PFKFB2: variants seen among roughly 807,000 people sequenced by gnomAD.
The protein encoded by PFKFB2 is 6-phosphofructo-2-kinase/fructose-2,6-bisphosphatase 2.
In PFKFB2, 53 loss-of-function variants were observed where a neutral mutation model predicts 68.0. That is an observed-to-expected ratio of 0.78 (90% CI 0.63 to 0.98). The LOEUF (loss-of-function observed/expected upper bound fraction) is 0.98. Ranked by LOEUF, PFKFB2 falls within the 50% of genes least tolerant of loss-of-function variation. The pLI, the probability that PFKFB2 is intolerant of heterozygous loss-of-function variation, is 0.00. For synonymous variants in PFKFB2, 222 were observed against 227.6 expected (o/e 0.98, Z 0.22); for missense variants, 451 against 642.0 (o/e 0.70, Z 3.22).
chr1:207,068,140 T>G, intron 9 of PFKFB2, 23 bp from the exon 10 acceptor site: 1 of 1,594,814 alleles, frequency 6.3e-7, no homozygotes, highest in South Asian at 1.1e-5. Context: ...TTTTTACCCT[T>G]AATTTTCATT....
intron 10 of PFKFB2, among the ~76,000 whole-genome samples, chr1:207,068,796 G>A (rs1268051042): frequency 6.6e-6 from 1 of 150,572 alleles, no homozygotes; most frequent in African/African-American, 2.5e-5. Flanking sequence ...GGCCCAGGCT[G>A]GAGTGCAGTG....
rs185240385 is a variant in PFKFB2, at chr1:207,060,048, G to A, written c.86-1905G>A. Among the ~76,000 whole-genome samples, 247 of 152,310 alleles carry A rather than the reference G, an allele frequency of 1.6e-3. 1 individual carries two copies. Among genetic ancestry groups the A allele is most frequent in the East Asian group, 1.2e-3 (6 of 5,184 alleles). On this transcript the variant is annotated intron_variant, in intron 2 of 14. Coordinates refer to ENST00000367080, the MANE Select transcript of PFKFB2 (RefSeq NM_006212.2). ...AGCCGGCAGAGCCTGAGCTATCCCA[G>A]ATGACCTCAGTGTGGTTTTTGGCCC...
chr1:207,068,291 T>A lies in PFKFB2; in HGVS notation c.969T>A (p.Ile323=), dbSNP rs1457462038. 3.1e-6 allele frequency: 5 copies of A among 1,593,368 alleles called. No homozygotes were observed. In the Admixed American group the frequency reaches 8.9e-5, roughly 28 times the overall value. ...SLGVPYEQWK[I]LNEIDAGVCE... ...GGGTGCCCTATGAGCAGTGGAAGAT[T>A]CTGAATGAGATTGATGCTGTGAGTA... The change falls in exon 10 of 15, where the codon ATT becomes ATA. Residue 323 remains isoleucine, a synonymous_variant. Coordinates refer to ENST00000367080, the MANE Select transcript of PFKFB2 (RefSeq NM_006212.2).
rs1458237415 is a variant in PFKFB2, at chr1:207,075,118, T to A, written c.*2747T>A. ...ATCCACAGACTTTGGATTAACACTGTACCCACTCTTAGCAAAAGGGGACTT... is the reference window on the plus strand; with the variant it reads ...ATCCACAGACTTTGGATTAACACTGAACCCACTCTTAGCAAAAGGGGACTT... On this transcript the variant is annotated 3_prime_UTR_variant, in exon 15 of 15. Transcript: ENST00000367080. The A allele has an allele frequency of 2.0e-6, 2 of 985,354 alleles. No individual in the cohort carries two copies. The highest frequency in any genetic ancestry group is 6.1e-5 in the Admixed American group (1 of 16,264). 61.0% of individuals were successfully genotyped at this position (985,354 alleles called of 1,614,324 possible).
intron 7 of PFKFB2, among the ~76,000 whole-genome samples, chr1:207,064,096 G>A (rs1016998061): frequency 6.6e-6 from 1 of 152,284 alleles, no homozygotes; most frequent in East Asian, 1.9e-4. Flanking sequence ...CAGGGTTTAG[G>A]TTGTAGGATT....
At position 207,035,081 on chromosome 1, in the gene PFKFB2, G is replaced by T. The variant is rs979344674; in HGVS notation, c.-62+609G>T. 6.4e-6 allele frequency: 5 copies of T among 779,634 alleles called. No homozygotes were observed. The Admixed American group carries it at 1.9e-4, about 29-fold the overall frequency. The allele number at this position is 779,634 out of a possible 1,614,324, so 48.3% of individuals were successfully genotyped here. On this transcript the variant is annotated intron_variant, in intron 1 of 5. Coordinates refer to the PFKFB2 transcript ENST00000545806. The stretch of plus-strand genomic sequence containing the variant: ...TTGATATAGGTCATCATTTGAGGGG[G>T]TATGTGTGTCATTGCTCTTAGTATG...
At chr1:207,061,504 C>T (rs1035356286) in intron 2 of PFKFB2, among the ~76,000 whole-genome samples, 1 of 152,012 alleles carries the variant, frequency 6.6e-6, no homozygotes, top group Non-Finnish European at 1.5e-5. Context: ...TATTTGTCTT[C>T]CCAGACTTGC....
chr1:207,079,461 C>T (rs889873975), downstream of PFKFB2: 1 of 171,608 alleles, frequency 5.8e-6, no homozygotes, highest in African/African-American at 2.4e-5. Flanking sequence ...AGGCTAGAGT[C>T]TAATATACTT....
Position 207,035,283 on chromosome 1 carries a change from C to G in PFKFB2, c.-62+811C>G, listed in dbSNP as rs187227127. 6.4e-4 allele frequency: 466 copies of G among 726,830 alleles called. 1 individual carries two copies. The highest frequency in any genetic ancestry group is 7.0e-4 in the Non-Finnish European group (418 of 594,036). The allele number at this position is 726,830 out of a possible 1,614,324, so 45.0% of individuals were successfully genotyped here. On this transcript the variant is annotated intron_variant, in intron 1 of 5. Coordinates refer to the PFKFB2 transcript ENST00000545806. ...CCTCCCCACTTAGGCACCTCCCTTC[C>G]CTCTAAGTGCACATGCAAGGTGTGT... is the stretch of plus-strand genomic sequence containing the variant.
At chr1:207,049,369 T>A, upstream of PFKFB2, 3 of 1,614,186 alleles carry the variant, frequency 1.9e-6, no homozygotes, top group Non-Finnish European at 2.5e-6. Flanking sequence ...TATTTCACAT[T>A]GGTAAAACTT....
intron 1 of PFKFB2, 66 bp from the exon 2 acceptor site, chr1:207,054,635 G>T: frequency 8.8e-7 from 1 of 1,130,148 alleles, no homozygotes; most frequent in South Asian, 1.3e-5. Flanking sequence ...CCAATGCACT[G>T]ACTTTTTTTA....
rs1304535737 is a variant in PFKFB2 at position 207,054,821 on chromosome 1, G to A, written c.85+19G>A. ...AAATGTTGTGAGTTCTGGCAGAGAG[G>A]AGGGACTGCTCTCTCTCAGCATTTT... On this transcript the variant is annotated intron_variant, in intron 2 of 14. Transcript: ENST00000367080. The A allele has an allele frequency of 6.5e-7, 1 of 1,533,556 alleles. No individual in the cohort carries two copies. Among genetic ancestry groups the A allele is most frequent in the Non-Finnish European group, 9.0e-7 (1 of 1,108,370 alleles). 95.0% of individuals were successfully genotyped at this position (1,533,556 alleles called of 1,614,324 possible).
upstream of PFKFB2, chr1:207,050,737 C>G (rs756132331): frequency 1.2e-6 from 2 of 1,613,362 alleles, no homozygotes; most frequent in Admixed American, 3.3e-5. Context: ...TGCTGAGATC[C>G]AGGCACTCGG....
At chr1:207,043,270 T>C (rs1290649025) in intron 2 of PFKFB2, among the ~76,000 whole-genome samples, 1 of 152,346 alleles carries the variant, frequency 6.6e-6, no homozygotes, top group Non-Finnish European at 1.5e-5. Flanking sequence ...CTTATTCTTA[T>C]GTTGGATGTA....
intron 2 of PFKFB2, 115 bp from the exon 3 acceptor site, chr1:207,061,838 C>T (rs779436796): frequency 1.2e-4 from 104 of 872,440 alleles, no homozygotes; most frequent in South Asian, 1.9e-4. Context: ...GCTGAGATCA[C>T]GCCACTGTAC....
rs767305648 is a variant in PFKFB2 at position 207,070,262 on chromosome 1, C to T, written c.1093-18C>T. On this transcript the variant is annotated intron_variant, in intron 11 of 14. Transcript: ENST00000367080. This position sits in a 1 kb window ranked among gnomAD's most constrained non-coding sequence, Gnocchi z 4.2. ...TTGCACCTGGGCTCCTGCCAGCCTG[C>T]CCCATTTCCCTCCACAGTCATACCA... 1 of 1,612,342 alleles carries T rather than the reference C, an allele frequency of 6.2e-7. No homozygotes were observed. Among genetic ancestry groups the T allele is most frequent in the Admixed American group, 1.7e-5 (1 of 60,004 alleles).
chr1:207,037,328 C>T (rs1006062645), intron 1 of PFKFB2, among the ~76,000 whole-genome samples: 1 of 152,116 alleles, frequency 6.6e-6, no homozygotes, highest in African/African-American at 2.4e-5. Context: ...TCCTTGGTGG[C>T]TCTTTCTTCA....
At chr1:207,050,716 G>T, upstream of PFKFB2, 1 of 1,613,200 alleles carries the variant, frequency 6.2e-7, no homozygotes, top group South Asian at 1.1e-5. Context: ...CTTCCAGAAT[G>T]GTATCCCCAT....
chr1:207,079,656 G>T (rs189099798), downstream of PFKFB2: 3 of 152,476 alleles, frequency 2.0e-5, no homozygotes, highest in African/African-American at 4.8e-5. Flanking sequence ...GGATCTGACT[G>T]CAAGACTCCC....
Sources: allele counts gnomAD v4.1 joint callset (sites outside exome capture counted in the v4.1 genomes callset), GRCh38; gene constraint gnomAD v4.1.1; non-coding constraint Gnocchi (gnomAD v3.1); transcripts MANE v1.5; gene names NCBI Gene and HGNC (gene_info 2026-07-23, HGNC 2026-07-21).